The following NAV2 variants were observed in gnomAD, a reference collection of about 807,000 sequenced individuals.
NAV2 encodes helicase, APC down-regulated 1.
In NAV2, 54 loss-of-function variants were observed where a neutral mutation model predicts 223.2. The observed-to-expected ratio is 0.24, with a 90% CI of 0.19 to 0.30. The LOEUF is 0.30. NAV2 is among the 10% of genes least tolerant of loss of function. The pLI, the probability that NAV2 is intolerant of heterozygous loss-of-function variation, is 1.00. For synonymous variants in NAV2, 1,279 were observed against 1,239.3 expected (o/e 1.03, Z -0.67); for missense variants, 2,806 against 3,147.5 (o/e 0.89, Z 2.60).
At chr11:20,015,243 G>A (rs946258374) in intron 11 of NAV2, among the ~76,000 whole-genome samples, 21 of 152,220 alleles carry the variant, frequency 1.4e-4, no homozygotes, top group Middle Eastern at 3.4e-3. Context: ...CCTGAAATAC[G>A]TGTCGAGCAT....
chr11:19,981,637 G>A (rs1035953435), intron 10 of NAV2, among the ~76,000 whole-genome samples: 3 of 152,242 alleles, frequency 2.0e-5, no homozygotes, highest in Non-Finnish European at 2.9e-5. Flanking sequence ...TGGTGTAATA[G>A]ATGGTATTTT....
chr11:20,106,183 G>GTGTGTGTGTGTGTGTGTGTATATA (rs1394737236), intron 35 of NAV2, among the ~76,000 whole-genome samples: 1 of 25,538 alleles, frequency 3.9e-5, no homozygotes, highest in East Asian at 1.1e-3. Context: ...ATATGTGTGT[G>GTGTGTGTGTGTGTGTGTGTATATA]TATATATATA....
Position 20,045,576 on chromosome 11 carries a change from G to T in NAV2, c.3808G>T (p.Val1270Leu). 2.5e-6 allele frequency: 4 copies of T among 1,614,200 alleles called. No homozygotes were observed. In the South Asian group the frequency reaches 4.4e-5, roughly 18 times the overall value. Residue 1270 changes from valine (V) to leucine (L), a missense_variant, in exon 14 of 38, where the codon GTG becomes TTG. By Grantham distance (32) the Val-to-Leu change is conservative. This residue lies in a region of NAV2 where 742 missense variants were observed against 777.9 expected (regional missense o/e 0.95). Coordinates refer to ENST00000349880, the MANE Select transcript of NAV2 (RefSeq NM_145117.5). ...TGTGGCTTCCTGTAACTCGGTGAAA[G>T]TGAATCCGGCAGCCCAGCCTGTGTC... ...ESVASCNSVK[V>L]NPAAQPVSSP...
intron 1 of NAV2, among the ~76,000 whole-genome samples, chr11:19,437,789 TTATAC>T (rs1237521199): frequency 6.6e-6 from 1 of 152,226 alleles, no homozygotes; most frequent in African/African-American, 2.4e-5. Context: ...TAAAGTTTTC[TTATAC>T]TTAACTAGAC....
intron 1 of NAV2, among the ~76,000 whole-genome samples, chr11:19,479,506 G>A (rs2042217259): frequency 6.6e-6 from 1 of 152,160 alleles, no homozygotes; most frequent in South Asian, 2.1e-4. Context: ...CCACCACTCA[G>A]GAGGGCAAGT....
chr11:19,587,501 A>G (rs947614341), intron 1 of NAV2, among the ~76,000 whole-genome samples: 7 of 152,184 alleles, frequency 4.6e-5, no homozygotes, highest in Non-Finnish European at 7.3e-5. Context: ...AGCTGTTCCT[A>G]TTCAGCCACC....
intron 1 of NAV2, among the ~76,000 whole-genome samples, chr11:19,557,817 G>A (rs2044952232): frequency 6.6e-6 from 1 of 152,244 alleles, no homozygotes; most frequent in African/African-American, 2.4e-5. Flanking sequence ...CATTCCTGCA[G>A]TCAGGATGTG....
rs550687678 is a variant in NAV2, at chr11:19,676,538, A to G, written c.76-155946A>G. Among the ~76,000 whole-genome samples the G allele has an allele frequency of 2.0e-5, 3 of 152,322 alleles. No individual in the cohort carries two copies. In the South Asian group the frequency reaches 6.2e-4, roughly 32 times the overall value. Reference sequence around the variant, plus strand: ...GTGGCATTACGCTCAAGGAAACCATAGCAACCAGTTTCCTGTAGCTTGGTT... The same window carrying G: ...GTGGCATTACGCTCAAGGAAACCATGGCAACCAGTTTCCTGTAGCTTGGTT... On this transcript the variant is annotated intron_variant, in intron 1 of 37. Transcript: ENST00000360655.
intron 11 of NAV2, among the ~76,000 whole-genome samples, chr11:19,984,603 G>A (rs1247817796): frequency 6.6e-6 from 1 of 152,172 alleles, no homozygotes; most frequent in Admixed American, 6.5e-5. Flanking sequence ...TCTAGGTATT[G>A]CACCTTGTGG....
At chr11:19,887,851 C>T (rs2041146685) in intron 5 of NAV2, among the ~76,000 whole-genome samples, 1 of 152,100 alleles carries the variant, frequency 6.6e-6, no homozygotes, top group Admixed American at 6.5e-5. Context: ...TATGACCGCC[C>T]CCCGCCAAAC....
chr11:19,789,918 AC>A (rs1361279828), intron 1 of NAV2, among the ~76,000 whole-genome samples: 9 of 152,144 alleles, frequency 5.9e-5, no homozygotes, highest in African/African-American at 2.2e-4. Flanking sequence ...TTCTCTGATT[AC>A]CCTTCTCATG....
At chr11:19,850,922 C>T (rs1215182503) in intron 3 of NAV2, among the ~76,000 whole-genome samples, 1 of 152,150 alleles carries the variant, frequency 6.6e-6, no homozygotes, top group African/African-American at 2.4e-5. Flanking sequence ...GACCTTGATG[C>T]CATTTAATGT....
chr11:19,399,135 G>T (rs955343868), intron 1 of NAV2, among the ~76,000 whole-genome samples: 1 of 152,150 alleles, frequency 6.6e-6, no homozygotes, highest in South Asian at 2.1e-4. Flanking sequence ...CCTGTTCCAC[G>T]GCACGAGAAA....
intron 1 of NAV2, among the ~76,000 whole-genome samples, chr11:19,684,987 C>T (rs1009123840): frequency 1.3e-5 from 2 of 152,162 alleles, no homozygotes; most frequent in African/African-American, 4.8e-5. Context: ...AGCACATGGT[C>T]AGGCAGGGCT....
rs181514452 is a variant in NAV2, at chr11:20,118,352, C to A, written c.*94C>A. On this transcript the variant is annotated 3_prime_UTR_variant, in exon 38 of 38. Coordinates refer to ENST00000349880, the MANE Select transcript of NAV2 (RefSeq NM_145117.5). ...TGAAGATGACTTCCTGAGCCAGCCC[C>A]CAGCCACAGCCTTAGAGCTGCGGGA... 73 of 1,434,044 alleles carry A rather than the reference C, an allele frequency of 5.1e-5. No individual in the cohort carries two copies. In the East Asian group the frequency reaches 1.7e-3, roughly 33 times the overall value. 88.8% of individuals were successfully genotyped at this position (1,434,044 alleles called of 1,614,324 possible).
At chr11:20,110,900 T>C (rs1271236942) in intron 36 of NAV2, among the ~76,000 whole-genome samples, 3 of 152,154 alleles carry the variant, frequency 2.0e-5, no homozygotes, top group Non-Finnish European at 4.4e-5. Flanking sequence ...TAGAATGGGT[T>C]CTGACAGGGC....
intron 1 of NAV2, among the ~76,000 whole-genome samples, chr11:19,776,609 G>GTGTGTGT (rs1565295714): frequency 0.014 from 1,002 of 69,672 alleles, 10 homozygotes; most frequent in Middle Eastern, 0.039. Context: ...TGTGTGTGTG[G>GTGTGTGT]TTAGAGTTGT....
At position 19,467,517 on chromosome 11, in the gene NAV2, A is replaced by G. The variant is rs79837285; in HGVS notation, c.75+116490A>G. 6.2e-3 allele frequency among the ~76,000 whole-genome samples: 940 copies of G among 152,264 alleles called. 10 individuals are homozygous for G. The highest frequency in any genetic ancestry group is 0.021 in the African/African-American group (880 of 41,540). On this transcript the variant is annotated intron_variant, in intron 1 of 37. Coordinates refer to the NAV2 transcript ENST00000360655. The stretch of plus-strand genomic sequence containing the variant: ...GTACCTTTCCATTGGAGGTGAAATA[A>G]CTTGTTTTATCACATCCTGGATGGA...
intron 1 of NAV2, among the ~76,000 whole-genome samples, chr11:19,383,244 A>G (rs1848912366): frequency 6.6e-6 from 1 of 152,146 alleles, no homozygotes; most frequent in African/African-American, 2.4e-5. Flanking sequence ...CCAACAAAAT[A>G]TGAGCAGAAG....
Sources: allele counts gnomAD v4.1 joint callset (sites outside exome capture counted in the v4.1 genomes callset), GRCh38; gene constraint gnomAD v4.1.1; regional missense constraint gnomAD v4.1.1; transcripts MANE v1.5; gene names NCBI Gene and HGNC (gene_info 2026-07-23, HGNC 2026-07-21).